The following PTPRT variants were observed in gnomAD, a reference collection of about 807,000 sequenced individuals.
PTPRT encodes the protein receptor-type tyrosine-protein phosphatase T.
PTPRT carries 56 observed loss-of-function variants against 176.8 expected under a neutral mutation model. The observed-to-expected ratio is 0.32, with a 90% CI of 0.26 to 0.40. The LOEUF (loss-of-function observed/expected upper bound fraction) is 0.40, where lower values mean the gene tolerates loss of function less well. Ranked by LOEUF, PTPRT falls within the 10% of genes least tolerant of loss-of-function variation. The pLI is 1.00. For missense variants in PTPRT, 1,540 were observed against 1,908.2 expected (o/e 0.81, Z 3.60); for synonymous variants, 783 against 739.0 (o/e 1.06, Z -0.96).
chr20:42,100,291 C>A (rs191429142), intron 26 of PTPRT, among the ~76,000 whole-genome samples: 9 of 152,278 alleles, frequency 5.9e-5, no homozygotes, highest in Non-Finnish European at 1.2e-4. Flanking sequence ...AGGGATCAGC[C>A]GGCAATCCAT....
chr20:42,471,283 T>G (rs2145284815), intron 8 of PTPRT, among the ~76,000 whole-genome samples: 1 of 152,292 alleles, frequency 6.6e-6, no homozygotes, highest in South Asian at 2.1e-4. Flanking sequence ...AGAAGGTGGT[T>G]GATATAGTTT....
intron 1 of PTPRT, among the ~76,000 whole-genome samples, chr20:42,889,368 T>G (rs1419382218): frequency 6.6e-6 from 1 of 152,220 alleles, no homozygotes; most frequent in Non-Finnish European, 1.5e-5. Flanking sequence ...CAGTCCTCTC[T>G]TTGCCTCTGC....
intron 27 of PTPRT, among the ~76,000 whole-genome samples, chr20:42,087,994 G>GT (rs1196475759): frequency 6.6e-6 from 1 of 151,970 alleles, no homozygotes; most frequent in Non-Finnish European, 1.5e-5. Context: ...GAGGTGGGGG[G>GT]TGGGGTGTGT....
At chr20:42,057,891 A>G in the PTPRT span, among the ~76,000 whole-genome samples, 1 of 152,128 alleles carries the variant, frequency 6.6e-6, no homozygotes, top group Non-Finnish European at 1.5e-5. Context: ...GCCTGTCCTT[A>G]CTTTTTTATA....
At chr20:42,226,936 T>C (rs2056026966) in intron 15 of PTPRT, among the ~76,000 whole-genome samples, 1 of 151,994 alleles carries the variant, frequency 6.6e-6, no homozygotes, top group Admixed American at 6.6e-5. Context: ...AGGAAAAACA[T>C]TTTAGAGTTT....
chr20:42,721,317 A>G (rs2076298791), intron 6 of PTPRT, among the ~76,000 whole-genome samples: 1 of 152,320 alleles, frequency 6.6e-6, no homozygotes, highest in South Asian at 2.1e-4. Flanking sequence ...AGGGAAGTGC[A>G]TGATGGTGAA....
the PTPRT span, among the ~76,000 whole-genome samples, chr20:42,050,118 T>C: frequency 6.6e-6 from 1 of 152,204 alleles, no homozygotes. Flanking sequence ...TCACTACCAA[T>C]TTGGGGATCT....
intron 7 of PTPRT, among the ~76,000 whole-genome samples, chr20:42,627,064 T>C (rs988718884): frequency 3.9e-5 from 6 of 152,178 alleles, no homozygotes; most frequent in Non-Finnish European, 7.4e-5. Flanking sequence ...ATAATGAACA[T>C]ACTGCTGAAA....
intron 7 of PTPRT, among the ~76,000 whole-genome samples, chr20:42,614,231 T>G (rs574936930): frequency 3.9e-5 from 6 of 152,276 alleles, no homozygotes; most frequent in South Asian, 2.1e-4. Context: ...TGGCTCTGTC[T>G]AAACTTCCCC....
chr20:42,301,041 A>T (rs2057460668), intron 12 of PTPRT, among the ~76,000 whole-genome samples: 1 of 152,182 alleles, frequency 6.6e-6, no homozygotes, highest in South Asian at 2.1e-4. Flanking sequence ...TCAACAAAAA[A>T]TATCAGCAAA....
At chr20:43,104,999 C>T (rs2012538671) in intron 1 of PTPRT, among the ~76,000 whole-genome samples, 1 of 152,076 alleles carries the variant, frequency 6.6e-6, no homozygotes, top group South Asian at 2.1e-4. Flanking sequence ...ATCAAAGGGA[C>T]CCCTAGTTTC....
At chr20:42,941,878 G>A (rs1038316617) in intron 1 of PTPRT, among the ~76,000 whole-genome samples, 2 of 152,100 alleles carry the variant, frequency 1.3e-5, no homozygotes, top group Non-Finnish European at 2.9e-5. Flanking sequence ...ATGATATTGG[G>A]CATGACATGC....
chr20:42,156,070 C>A (rs978083805), intron 17 of PTPRT, among the ~76,000 whole-genome samples: 3 of 152,180 alleles, frequency 2.0e-5, no homozygotes, highest in Non-Finnish European at 2.9e-5. Flanking sequence ...TGTGCCCACC[C>A]CTGTGCCATA....
chr20:42,315,102 C>T lies in PTPRT; in HGVS notation c.2139+621G>A, dbSNP rs188260212. ...CAAAAATGGTTACCTTGCGTGAACC[C>T]GGGAAGCGGAGCTTGCAGTGAGCCG... is the stretch of plus-strand genomic sequence containing the variant. On this transcript the variant is annotated intron_variant, in intron 12 of 30. Transcript: ENST00000373187. Among the ~76,000 whole-genome samples, 613 of 69,324 alleles carry T rather than the reference C, an allele frequency of 8.8e-3. 9 individuals are homozygous for T. The highest frequency in any genetic ancestry group is 0.032 in the African/African-American group (573 of 17,962). 45.5% of individuals were successfully genotyped at this position (69,324 alleles called of 152,430 possible). A position where few individuals can be genotyped will look rare whatever the true frequency, so the allele number is the denominator to read the frequency against.
intron 6 of PTPRT, among the ~76,000 whole-genome samples, chr20:42,739,338 G>A (rs939623024): frequency 2.0e-5 from 3 of 152,260 alleles, no homozygotes; most frequent in Admixed American, 6.5e-5. Flanking sequence ...GGGAGAACAG[G>A]GGAAGAGAGG....
chr20:43,048,596 T>C (rs1340613296), intron 1 of PTPRT, among the ~76,000 whole-genome samples: 1 of 152,122 alleles, frequency 6.6e-6, no homozygotes, highest in Non-Finnish European at 1.5e-5. Flanking sequence ...CAGCAGATAT[T>C]TGAGAGAGGC....
intron 1 of PTPRT, among the ~76,000 whole-genome samples, chr20:43,014,507 A>G (rs12625239): frequency 0.24 from 35,848 of 152,204 alleles, 4,592 homozygotes; most frequent in African/African-American, 0.34. Context: ...CAGTGACTTC[A>G]GAGACCACAG....
intron 7 of PTPRT, among the ~76,000 whole-genome samples, chr20:42,522,222 G>A (rs1369195234): frequency 6.7e-6 from 1 of 148,976 alleles, no homozygotes; most frequent in Non-Finnish European, 1.5e-5. Flanking sequence ...AGGCACTAGT[G>A]GTTGTGTGAA....
intron 1 of PTPRT, among the ~76,000 whole-genome samples, chr20:42,987,192 G>A (rs1983640232): frequency 6.6e-6 from 1 of 152,096 alleles, no homozygotes; most frequent in Non-Finnish European, 1.5e-5. Flanking sequence ...CTCCTCTGAG[G>A]TGATACCACT....
Sources: allele counts gnomAD v4.1 joint callset (sites outside exome capture counted in the v4.1 genomes callset), GRCh38; gene constraint gnomAD v4.1.1; transcripts MANE v1.5; gene names NCBI Gene and HGNC (gene_info 2026-07-23, HGNC 2026-07-21).